The following COL26A1 variants were observed in gnomAD, a reference collection of about 807,000 sequenced individuals.
The protein encoded by COL26A1 is collagen alpha-1(XXVI) chain.
A neutral mutation model predicts 59.3 loss-of-function variants in COL26A1; 41 were observed. The ratio of observed to expected loss-of-function variants is 0.69; its 90% CI spans 0.54 to 0.90. COL26A1 has a LOEUF of 0.90. COL26A1 is among the 40% of genes least tolerant of loss of function. COL26A1 has a pLI of 0.00. For synonymous variants in COL26A1, 266 were observed against 256.0 expected (o/e 1.04, Z -0.37); for missense variants, 612 against 602.3 (o/e 1.02, Z -0.17).
intron 1 of COL26A1, among the ~76,000 whole-genome samples, chr7:101,417,496 T>C (rs76907731): frequency 0.026 from 3,765 of 143,116 alleles, 356 homozygotes; most frequent in East Asian, 0.18. Context: ...ATGCCTAATA[T>C]CTTTTTTTTT....
intron 5 of COL26A1, among the ~76,000 whole-genome samples, chr7:101,542,220 G>C (rs1166629789): frequency 6.6e-6 from 1 of 152,052 alleles, no homozygotes; most frequent in Non-Finnish European, 1.5e-5. Context: ...GCCCTCCTTG[G>C]CCTCCCAAAG....
In COL26A1 at chr7:101,547,301, A is replaced by T. The variant is rs1285971810; in HGVS notation, c.940+62A>T. The T allele has an allele frequency of 4.8e-6, 6 of 1,240,256 alleles. No individual in the cohort carries two copies. The African/African-American group carries it at 9.1e-5, about 19-fold the overall frequency. The allele number at this position is 1,240,256 out of a possible 1,614,324, so 76.8% of individuals were successfully genotyped here. Reference sequence around the variant, plus strand: ...CATCCCCCCAGGGCTGGCCTGAGCCATGGGGCCTTGAGGGGAGCTGGAGGT... The same window carrying T: ...CATCCCCCCAGGGCTGGCCTGAGCCTTGGGGCCTTGAGGGGAGCTGGAGGT... On this transcript the variant is annotated intron_variant, in intron 8 of 12. Coordinates refer to ENST00000313669, the MANE Select transcript of COL26A1 (RefSeq NM_001278563.3).
At chr7:101,406,764 A>G (rs1285386880) in intron 1 of COL26A1, among the ~76,000 whole-genome samples, 1 of 152,062 alleles carries the variant, frequency 6.6e-6, no homozygotes, top group Non-Finnish European at 1.5e-5. Flanking sequence ...TGGGCGACAT[A>G]GCAGGACCCC....
At chr7:101,427,288 C>T (rs1456758416) in intron 2 of COL26A1, among the ~76,000 whole-genome samples, 1 of 152,170 alleles carries the variant, frequency 6.6e-6, no homozygotes, top group East Asian at 1.9e-4. Context: ...GTCTTGAACT[C>T]CTGGCCTCAA....
chr7:101,532,977 A>C, intron 3 of COL26A1, 105 bp from the exon 4 acceptor site: 1 of 812,304 alleles, frequency 1.2e-6, no homozygotes, highest in South Asian at 1.5e-5. Context: ...AAATGACTGG[A>C]GATTTCTCTG....
intron 1 of COL26A1, among the ~76,000 whole-genome samples, chr7:101,378,792 G>C (rs777332363): frequency 6.6e-5 from 10 of 152,098 alleles, no homozygotes; most frequent in African/African-American, 1.4e-4. Flanking sequence ...TGCGGCATTT[G>C]TCCGAGAATC....
intron 1 of COL26A1, among the ~76,000 whole-genome samples, chr7:101,385,273 GTATA>G (rs1306950558): frequency 2.7e-5 from 4 of 146,682 alleles, no homozygotes; most frequent in African/African-American, 7.5e-5. Flanking sequence ...ATATATATGT[GTATA>G]TATATAGTAT....
chr7:101,389,437 C>T (rs972348335), intron 1 of COL26A1, among the ~76,000 whole-genome samples: 2 of 147,120 alleles, frequency 1.4e-5, no homozygotes, highest in South Asian at 2.1e-4. Flanking sequence ...TAGAGTGCAG[C>T]GGCTCAGTCT....
intron 3 of COL26A1, among the ~76,000 whole-genome samples, chr7:101,504,117 T>G (rs1794758302): frequency 1.3e-5 from 2 of 151,998 alleles, no homozygotes; most frequent in Non-Finnish European, 2.9e-5. Context: ...TTTTTTTCTT[T>G]GGGGACACAG....
rs1796035594 is a variant in COL26A1 at position 101,558,522 on chromosome 7, A to C, written c.*992A>C. Reference sequence around the variant, plus strand: ...TTTGCTACTTTTGCATGACACAGCAAGCCCAGTGTCCCCTTTGCAAGCTGC... The same window carrying C: ...TTTGCTACTTTTGCATGACACAGCACGCCCAGTGTCCCCTTTGCAAGCTGC... On this transcript the variant is annotated 3_prime_UTR_variant, in exon 13 of 13. Transcript: ENST00000313669. 2 of 152,208 alleles carry C rather than the reference A, an allele frequency of 1.3e-5. No homozygotes were observed. The highest frequency in any genetic ancestry group is 4.1e-4 in the South Asian group (2 of 4,834). 9.4% of individuals were successfully genotyped at this position (152,208 alleles called of 1,614,324 possible).
intron 2 of COL26A1, among the ~76,000 whole-genome samples, chr7:101,439,726 G>T (rs1276888923): frequency 6.6e-6 from 1 of 152,094 alleles, no homozygotes; most frequent in East Asian, 1.9e-4. Flanking sequence ...GATGGATGGG[G>T]CTGCTCCACC....
At chr7:101,459,999 T>C (rs1037499702) in intron 3 of COL26A1, among the ~76,000 whole-genome samples, 1 of 152,166 alleles carries the variant, frequency 6.6e-6, no homozygotes, top group Non-Finnish European at 1.5e-5. Flanking sequence ...GAGAAGAGGC[T>C]GCAGCCTCCT....
chr7:101,498,466 A>T (rs1200104706), intron 3 of COL26A1, among the ~76,000 whole-genome samples: 1 of 152,174 alleles, frequency 6.6e-6, no homozygotes, highest in South Asian at 2.1e-4. Flanking sequence ...CAGCCCGCAG[A>T]GTGTGGCATG....
At chr7:101,442,124 G>A (rs2130359015) in intron 2 of COL26A1, among the ~76,000 whole-genome samples, 1 of 152,312 alleles carries the variant, frequency 6.6e-6, no homozygotes, top group Admixed American at 6.5e-5. Context: ...ACAGCAGCTT[G>A]GCCCTTGCGC....
intron 3 of COL26A1, among the ~76,000 whole-genome samples, chr7:101,472,466 C>T: frequency 6.6e-6 from 1 of 152,272 alleles, no homozygotes; most frequent in East Asian, 1.9e-4. Context: ...ATGTAACCTA[C>T]CAGGTTTGGC....
intron 1 of COL26A1, among the ~76,000 whole-genome samples, chr7:101,414,181 C>T (rs1053203365): frequency 6.6e-6 from 1 of 152,094 alleles, no homozygotes; most frequent in Non-Finnish European, 1.5e-5. Context: ...TTTTTGGAAG[C>T]CATTTCCAGC....
At chr7:101,461,303 TC>T in intron 3 of COL26A1, among the ~76,000 whole-genome samples, 1 of 91,884 alleles carries the variant, frequency 1.1e-5, no homozygotes, top group Non-Finnish European at 2.1e-5. Flanking sequence ...CTCCTCCTCC[TC>T]CTTCTTTTTT....
rs147296294 is a variant in COL26A1 at position 101,545,429 on chromosome 7, C to T, written c.795C>T (p.Gly265=). Residue 265 remains glycine (G), a synonymous_variant, in exon 7 of 13, where the codon GGC becomes GGT. Transcript: ENST00000313669. ...PGPPGPAGNP[G]PSPNSPQGAL... ...CACCCGGCCCAGCAGGCAACCCAGGCCCCTCACCAAACAGCCCCCAGGGCG... is the reference window on the plus strand; with the variant it reads ...CACCCGGCCCAGCAGGCAACCCAGGTCCCTCACCAAACAGCCCCCAGGGCG... 1 of 1,608,192 alleles carries T rather than the reference C, an allele frequency of 6.2e-7. No homozygotes were observed. The highest frequency in any genetic ancestry group is 8.5e-7 in the Non-Finnish European group (1 of 1,177,942).
At chr7:101,511,436 A>C (rs1376398893) in intron 3 of COL26A1, among the ~76,000 whole-genome samples, 1 of 152,194 alleles carries the variant, frequency 6.6e-6, no homozygotes, top group Non-Finnish European at 1.5e-5. Flanking sequence ...CTCAAGGGCA[A>C]AAGTGGCCTG....
Sources: allele counts gnomAD v4.1 joint callset (sites outside exome capture counted in the v4.1 genomes callset), GRCh38; gene constraint gnomAD v4.1.1; transcripts MANE v1.5; gene names NCBI Gene and HGNC (gene_info 2026-07-23, HGNC 2026-07-21).